The following TMEM135 variants were observed in gnomAD, a reference collection of about 807,000 sequenced individuals.
TMEM135 encodes transmembrane protein 135.
TMEM135 carries 30 observed loss-of-function variants against 60.3 expected under a neutral mutation model. The observed-to-expected ratio is 0.50, with a 90% confidence interval of 0.37 to 0.68. TMEM135 has a LOEUF of 0.68. TMEM135 is among the 30% of genes least tolerant of loss of function. The probability of loss-of-function intolerance (pLI) is 0.00; values close to 1 mark genes in which losing one functional copy is unlikely to be tolerated. For missense variants in TMEM135, 468 were observed against 548.8 expected (o/e 0.85, Z 1.47); for synonymous variants, 190 against 186.7 (o/e 1.02, Z -0.14).
intron 4 of TMEM135, among the ~76,000 whole-genome samples, chr11:87,100,859 CA>C (rs201114421): frequency 4.8e-4 from 69 of 144,056 alleles, no homozygotes; most frequent in Middle Eastern, 7.0e-3. Flanking sequence ...AATACTGTCT[CA>C]AAAAAAAAAG....
chr11:87,125,849 T>C (rs970121316), intron 4 of TMEM135, among the ~76,000 whole-genome samples: 1 of 152,238 alleles, frequency 6.6e-6, no homozygotes, highest in African/African-American at 2.4e-5. Context: ...ACAAATGTTT[T>C]ACAAAATTCA....
At chr11:87,051,568 T>A (rs1233592559) in intron 1 of TMEM135, among the ~76,000 whole-genome samples, 1 of 65,352 alleles carries the variant, frequency 1.5e-5, no homozygotes, top group South Asian at 4.7e-4. Context: ...CACAATTGCT[T>A]CAAAGAGAAT....
chr11:87,302,387 G>GA lies in TMEM135; in HGVS notation c.648dup (p.Pro217ThrfsTer25). ...GGAACAAAAGAGAGAGCAACATGAGGAAAAACCCGGAAGAATGAATATGAT... is the reference window on the plus strand; with the variant it reads ...GGAACAAAAGAGAGAGCAACATGAGGAAAAAACCCGGAAGAATGAATATGAT... On this transcript the variant is annotated frameshift_variant, in exon 8 of 15. Coordinates refer to ENST00000305494, the MANE Select transcript of TMEM135 (RefSeq NM_022918.4). LOFTEE classifies it high-confidence loss of function. The GA allele has an allele frequency of 6.2e-7, 1 of 1,613,834 alleles. No homozygotes were observed. Among genetic ancestry groups the GA allele is most frequent in the Non-Finnish European group, 8.5e-7 (1 of 1,179,908 alleles).
At chr11:87,111,112 A>G (rs1331214935) in intron 4 of TMEM135, among the ~76,000 whole-genome samples, 4 of 152,214 alleles carry the variant, frequency 2.6e-5, no homozygotes, top group African/African-American at 9.6e-5. Flanking sequence ...GTATATGTAG[A>G]AGCTTAGGAC....
At chr11:87,106,072 G>C (rs1857587339) in intron 4 of TMEM135, among the ~76,000 whole-genome samples, 1 of 151,320 alleles carries the variant, frequency 6.6e-6, no homozygotes, top group African/African-American at 2.4e-5. Context: ...ATGATCTCCA[G>C]TTCCATCTGT....
At chr11:87,263,055 C>T (rs879675111) in intron 6 of TMEM135, among the ~76,000 whole-genome samples, 9 of 151,612 alleles carry the variant, frequency 5.9e-5, no homozygotes, top group South Asian at 4.2e-4. Flanking sequence ...AAGCCAGTTA[C>T]GTAATTACAT....
chr11:87,141,150 A>G (rs1202202788), intron 4 of TMEM135, among the ~76,000 whole-genome samples: 1 of 151,520 alleles, frequency 6.6e-6, no homozygotes, highest in Non-Finnish European at 1.5e-5. Flanking sequence ...TTAGGTTTTG[A>G]TTGAGATTGC....
Position 87,217,561 on chromosome 11 carries a change from A to C in TMEM135, c.463-19077A>C, listed in dbSNP as rs369728703. Among the ~76,000 whole-genome samples, 26 of 152,188 alleles carry C rather than the reference A, an allele frequency of 1.7e-4. No individual in the cohort carries two copies. The East Asian group carries it at 4.8e-3, about 28-fold the overall frequency. On this transcript the variant is annotated intron_variant, in intron 5 of 14. Transcript: ENST00000305494. ...AGCACTTTGGGAGGCTGAGGTGGGC[A>C]GATCACCTGAGGATGGGAGTTCAAG...
intron 5 of TMEM135, among the ~76,000 whole-genome samples, chr11:87,227,162 A>G (rs1591119573): frequency 6.6e-6 from 1 of 152,280 alleles, no homozygotes; most frequent in Non-Finnish European, 1.5e-5. Context: ...CAGTGAAAGT[A>G]ATTTTATTTT....
chr11:87,109,592 G>A (rs866488802), intron 4 of TMEM135, among the ~76,000 whole-genome samples: 9 of 151,996 alleles, frequency 5.9e-5, no homozygotes, highest in Admixed American at 6.6e-5. Context: ...GTTTATTTGT[G>A]GAATCTTCTA....
At chr11:87,210,338 A>G (rs537109305) in intron 5 of TMEM135, among the ~76,000 whole-genome samples, 14 of 152,320 alleles carry the variant, frequency 9.2e-5, no homozygotes, top group African/African-American at 3.4e-4. Flanking sequence ...TGATATTACC[A>G]CTGACTCCAC....
intron 4 of TMEM135, among the ~76,000 whole-genome samples, chr11:87,106,591 A>G (rs1857602576): frequency 6.6e-6 from 1 of 151,970 alleles, no homozygotes; most frequent in Admixed American, 6.6e-5. Context: ...GTTTGGGCAT[A>G]TTCCTTCTAT....
At chr11:87,214,271 G>C (rs549910135) in intron 5 of TMEM135, among the ~76,000 whole-genome samples, 19 of 152,088 alleles carry the variant, frequency 1.2e-4, no homozygotes, top group Non-Finnish European at 2.2e-4. Flanking sequence ...AATACTTCTG[G>C]GGACTTACAG....
At chr11:87,055,669 C>T (rs61906204) in intron 1 of TMEM135, among the ~76,000 whole-genome samples, 1 of 152,020 alleles carries the variant, frequency 6.6e-6, no homozygotes, top group Non-Finnish European at 1.5e-5. Flanking sequence ...CGGCTCACGC[C>T]AACCTCCGCC....
At chr11:87,262,340 G>A (rs1333071206) in intron 6 of TMEM135, among the ~76,000 whole-genome samples, 1 of 152,082 alleles carries the variant, frequency 6.6e-6, no homozygotes, top group Admixed American at 6.5e-5. Context: ...TCCAAAAAAG[G>A]CAGTATCCAT....
chr11:87,101,952 A>G (rs1857467583), intron 4 of TMEM135, among the ~76,000 whole-genome samples: 1 of 152,138 alleles, frequency 6.6e-6, no homozygotes, highest in Admixed American at 6.6e-5. Flanking sequence ...CAGCCTGGGC[A>G]ACAAGAGCAA....
intron 5 of TMEM135, among the ~76,000 whole-genome samples, chr11:87,231,110 G>A (rs766300846): frequency 6.6e-5 from 10 of 152,122 alleles, no homozygotes; most frequent in Non-Finnish European, 1.3e-4. Flanking sequence ...TTCCAGGCAT[G>A]GATCAAAGAG....
rs377645513 is a variant in TMEM135 at position 87,253,296 on chromosome 11, A to G, written c.509+16612A>G. ...AGGCAAAGAGAAATATTGTATGGAG[A>G]AACAGCATGAACCTAAAATGCGACC... On this transcript the variant is annotated intron_variant, in intron 6 of 14. Transcript: ENST00000305494. 5.3e-5 allele frequency among the ~76,000 whole-genome samples: 8 copies of G among 152,268 alleles called. No homozygotes were observed. In the East Asian group the frequency reaches 1.4e-3, roughly 26 times the overall value.
intron 5 of TMEM135, among the ~76,000 whole-genome samples, chr11:87,189,036 T>C (rs186250449): frequency 2.6e-5 from 4 of 152,086 alleles, no homozygotes; most frequent in East Asian, 3.9e-4. Context: ...ATTTCATGTC[T>C]GTAATAATGC....
Sources: gnomAD v4.1 joint callset for allele counts (sites outside exome capture counted in the v4.1 genomes callset) on GRCh38, gnomAD v4.1.1 for gene constraint, MANE v1.5 for transcripts, NCBI Gene and HGNC (gene_info 2026-07-23, HGNC 2026-07-21) for gene names.